The following MICB variants were observed in gnomAD, a reference collection of about 807,000 sequenced individuals.
MICB encodes the protein MHC class I polypeptide-related sequence B, also known as MHC class I antigen-related protein B.
A neutral mutation model predicts 34.3 loss-of-function variants in MICB; 27 were observed. The observed-to-expected ratio is 0.79, with a 90% CI of 0.58 to 1.08. The LOEUF (loss-of-function observed/expected upper bound fraction) is 1.08. Ranked by LOEUF, MICB falls within the 50% of genes least tolerant of loss-of-function variation. The pLI, the probability that MICB is intolerant of heterozygous loss-of-function variation, is 0.00. For missense variants in MICB, 426 were observed against 483.1 expected (o/e 0.88, Z 1.11); for synonymous variants, 153 against 187.4 (o/e 0.82, Z 1.50).
intron 5 of MICB, among the ~76,000 whole-genome samples, chr6:31,508,523 A>T: frequency 6.6e-6 from 1 of 152,092 alleles, no homozygotes; most frequent in East Asian, 1.9e-4. Flanking sequence ...GCCTGAGCAG[A>T]TGGGAAGGTT....
Position 31,498,252 on chromosome 6 carries a change from C to A in MICB, c.59C>A (p.Ala20Glu). The change falls in exon 1 of 6, where the codon GCA becomes GAA. Residue 20 changes from alanine (A) to glutamate (E), a missense_variant. Physicochemically the swap from Ala to Glu is moderately radical, Grantham distance 107. Transcript: ENST00000252229. ...LAVAFPFAPP[A>E]AAAEPHSLRY... ...GTCGCCTTCCCTTTTGCACCCCCGG[C>A]AGCCGCCGCTGGTGAGTGGGGTTCC... The A allele has an allele frequency of 6.4e-7, 1 of 1,573,060 alleles. No individual in the cohort carries two copies. Among genetic ancestry groups the A allele is most frequent in the Non-Finnish European group, 8.6e-7 (1 of 1,157,504 alleles).
At chr6:31,498,446 C>CTTTTTT (rs9279321) in intron 1 of MICB, among the ~76,000 whole-genome samples, 183 bp downstream of exon 1, 50 of 89,300 alleles carry the variant, frequency 5.6e-4, no homozygotes, top group Non-Finnish European at 8.3e-4. Context: ...TCTCCCGTCT[C>CTTTTTT]TTTTTTTTTT....
chr6:31,505,870 A>G lies in MICB; in HGVS notation c.324A>G (p.Gly108=). ...TGACTCATATCAAGGACCAGAAAGG[A>G]GGTGAGAGTCGGCAGGGGCAAGAGT... ...RTLTHIKDQK[G]GLHSLQEIRV... is the part of the protein sequence containing the mutation. Residue 108 remains glycine (G), a splice_region_variant and synonymous_variant, in exon 2 of 6, where the codon GGA becomes GGG. Transcript: ENST00000252229. The G allele has an allele frequency of 6.2e-7, 1 of 1,602,242 alleles. No individual in the cohort carries two copies. Among genetic ancestry groups the G allele is most frequent in the Non-Finnish European group, 8.5e-7 (1 of 1,174,250 alleles).
At chr6:31,496,254 T>A (rs1238243417), upstream of MICB, among the ~76,000 whole-genome samples, 5 of 152,224 alleles carry the variant, frequency 3.3e-5, no homozygotes, top group Admixed American at 6.5e-5. Context: ...AGAATTCACA[T>A]GCCACACATA....
rs978951964 is a variant in MICB at position 31,505,754 on chromosome 6, G to A, written c.208G>A (p.Gly70Arg). ...DRQKRRAKPQ[G>R]QWAENVLGAK... ...GCAGAAACGCAGGGCAAAGCCCCAGGGACAGTGGGCAGAAAATGTCCTGGG... is the reference window on the plus strand; with the variant it reads ...GCAGAAACGCAGGGCAAAGCCCCAGAGACAGTGGGCAGAAAATGTCCTGGG... The change falls in exon 2 of 6, where the codon GGA becomes AGA. Residue 70 changes from glycine (G) to arginine (R), a missense_variant. Transcript: ENST00000252229. 1.3e-5 allele frequency: 21 copies of A among 1,613,038 alleles called. No individual in the cohort carries two copies. Among genetic ancestry groups the A allele is most frequent in the Non-Finnish European group, 1.8e-5 (21 of 1,180,030 alleles).
At chr6:31,502,865 T>C (rs1221367406) in intron 1 of MICB, among the ~76,000 whole-genome samples, 2 of 152,244 alleles carry the variant, frequency 1.3e-5, no homozygotes, top group Non-Finnish European at 2.9e-5. Flanking sequence ...TTCAGTATGT[T>C]ACTAGCTGTG....
At chr6:31,497,011 T>C (rs965175281), upstream of MICB, among the ~76,000 whole-genome samples, 1 of 151,898 alleles carries the variant, frequency 6.6e-6, no homozygotes, top group African/African-American at 2.4e-5. Context: ...CATGGTAGAG[T>C]AGAAGCATCC....
At position 31,506,165 on chromosome 6, in the gene MICB, T is replaced by C. The variant is rs746664371; in HGVS notation, c.348T>C (p.Ile116=). The stretch of plus-strand genomic sequence containing the variant: ...CAGGCTTGCATTCCCTCCAGGAGAT[T>C]AGGGTCTGTGAGATCCATGAAGACA... The part of the protein sequence containing the change: ...QKGGLHSLQE[I]RVCEIHEDSS... The change falls in exon 3 of 6, where the codon ATT becomes ATC. Residue 116 remains isoleucine, a synonymous_variant. Coordinates refer to ENST00000252229, the MANE Select transcript of MICB (RefSeq NM_005931.5). The C allele has an allele frequency of 1.9e-6, 3 of 1,613,886 alleles. No individual in the cohort carries two copies. The highest frequency in any genetic ancestry group is 2.5e-6 in the Non-Finnish European group (3 of 1,179,898).
intron 5 of MICB, among the ~76,000 whole-genome samples, chr6:31,508,881 A>G (rs1026501179): frequency 4.1e-4 from 63 of 152,178 alleles, no homozygotes; most frequent in African/African-American, 1.5e-3. Context: ...CCCTCTCCAG[A>G]AGGGTCTGTG....
chr6:31,507,225 C>G lies in MICB; in HGVS notation c.817C>G (p.Arg273Gly). Residue 273 changes from arginine to glycine, a missense_variant, in exon 4 of 6, where the codon CGC becomes GGC. Coordinates refer to ENST00000252229, the MANE Select transcript of MICB (RefSeq NM_005931.5). The surrounding 1 kb of genome is among the most constrained non-coding windows in gnomAD (Gnocchi z 6.0). The stretch of plus-strand genomic sequence containing the variant: ...CCAGACCTGGGTGGCCACCAGGATT[C>G]GCCAAGGAGAGGAGCAGAGGTTCAC... Reference protein sequence around the residue: ...TYQTWVATRIRQGEEQRFTCY... With the variant: ...TYQTWVATRIGQGEEQRFTCY... The G allele has an allele frequency of 1.2e-6, 2 of 1,604,830 alleles. No homozygotes were observed. The highest frequency in any genetic ancestry group is 1.7e-6 in the Non-Finnish European group (2 of 1,177,062).
intron 1 of MICB, among the ~76,000 whole-genome samples, chr6:31,503,949 C>CTGTTTGTGTGTGTGTGTGTGTGTGTGTG (rs28751333): frequency 1.0e-5 from 1 of 97,526 alleles, no homozygotes; most frequent in African/African-American, 4.0e-5. Flanking sequence ...GCCAAACTTG[C>CTGTTTGTGTGTGTGTGTGTGTGTGTGTG]TGTGTGTGTG....
upstream of MICB, chr6:31,496,648 G>A (rs1413956526): frequency 6.6e-6 from 1 of 150,440 alleles, no homozygotes; most frequent in Admixed American, 6.6e-5. Flanking sequence ...TTACAGGCGT[G>A]AGCCACCGTG....
At chr6:31,498,046 T>G, upstream of MICB, 1 of 450,430 alleles carries the variant, frequency 2.2e-6, no homozygotes, top group Non-Finnish European at 3.7e-6. Flanking sequence ...TCTCCACTCA[T>G]GATTGGCCCT....
chr6:31,497,253 T>C (rs6922431), upstream of MICB, among the ~76,000 whole-genome samples: 13,572 of 152,064 alleles, frequency 0.089, 723 homozygotes, highest in Middle Eastern at 0.2. Flanking sequence ...ATGGTGAAGT[T>C]CTTAAGAGAA....
intron 1 of MICB, 132 bp from the exon 2 acceptor site, chr6:31,505,485 T>G: frequency 7.7e-7 from 1 of 1,304,266 alleles, no homozygotes; most frequent in Non-Finnish European, 1.0e-6. Flanking sequence ...ATATGAAATC[T>G]TCGTTCTTGT....
In MICB at chr6:31,499,688, G is replaced by A. The variant is rs575987262; in HGVS notation, c.70+1425G>A. On this transcript the variant is annotated intron_variant, in intron 1 of 5. Transcript: ENST00000252229. ...AGTGCAGGTGCCTGCTCTGGGCCCT[G>A]CCTCATTGTGGCCCCTTCCCCACTC... 3.9e-5 allele frequency among the ~76,000 whole-genome samples: 6 copies of A among 152,092 alleles called. 1 individual carries two copies. The East Asian group carries it at 9.7e-4, about 25-fold the overall frequency.
chr6:31,502,603 A>T (rs1765072347), intron 1 of MICB, among the ~76,000 whole-genome samples: 1 of 152,180 alleles, frequency 6.6e-6, no homozygotes, highest in Non-Finnish European at 1.5e-5. Flanking sequence ...TGTATCCTGC[A>T]ACTTTACTGA....
At chr6:31,499,393 G>A (rs2855803) in intron 1 of MICB, among the ~76,000 whole-genome samples, 47,748 of 151,618 alleles carry the variant, frequency 0.31, 7,733 homozygotes, top group Middle Eastern at 0.39. Flanking sequence ...CCATTTCTAG[G>A]GTGTCCTCTG....
chr6:31,507,297 T>A lies in MICB; in HGVS notation c.889T>A (p.Ser297Thr). The change falls in exon 4 of 6, where the codon TCT (serine) becomes ACT (threonine). Residue 297 changes from serine to threonine, a missense_variant. Ser to Thr is a moderately conservative substitution (Grantham distance 58). Transcript: ENST00000252229. This position sits in a 1 kb window ranked among gnomAD's most constrained non-coding sequence, Gnocchi z 6.0. ...GAATCACGGCACTCACCCTGTGCCCTCTGGTGAGCCTGGGGTGACCCTGGA... is the reference window on the plus strand; with the variant it reads ...GAATCACGGCACTCACCCTGTGCCCACTGGTGAGCCTGGGGTGACCCTGGA... ...SGNHGTHPVPSGKALVLQSQR... is the reference protein window; with the variant it reads ...SGNHGTHPVPTGKALVLQSQR... 1 of 1,606,850 alleles carries A rather than the reference T, an allele frequency of 6.2e-7. No individual in the cohort carries two copies. Among genetic ancestry groups the A allele is most frequent in the African/African-American group, 1.3e-5 (1 of 74,874 alleles).
Sources: gnomAD v4.1 joint callset for allele counts (sites outside exome capture counted in the v4.1 genomes callset) on GRCh38, gnomAD v4.1.1 for gene constraint, Gnocchi (gnomAD v3.1) non-coding constraint, MANE v1.5 for transcripts, NCBI Gene and HGNC (gene_info 2026-07-23, HGNC 2026-07-21) for gene names.